Variants in MROH2B observed in about 807,000 individuals in gnomAD.
MROH2B encodes the protein maestro heat-like repeat-containing protein family member 2B.
A neutral mutation model predicts 208.6 loss-of-function variants in MROH2B; 177 were observed. That is an observed-to-expected ratio of 0.85 (90% confidence interval 0.75 to 0.96). The LOEUF (loss-of-function observed/expected upper bound fraction) is 0.96, where lower values mean the gene tolerates loss of function less well. Ranked by LOEUF, MROH2B falls within the 40% of genes least tolerant of loss-of-function variation. The probability of loss-of-function intolerance (pLI) is 0.00; values close to 1 mark genes in which losing one functional copy is unlikely to be tolerated. For synonymous variants in MROH2B, 728 were observed against 659.0 expected (o/e 1.10, Z -1.60); for missense variants, 2,002 against 1,878.7 (o/e 1.07, Z -1.21).
At chr5:41,056,665 G>C (rs993524299) in intron 9 of MROH2B, among the ~76,000 whole-genome samples, 5 of 151,230 alleles carry the variant, frequency 3.3e-5, no homozygotes, top group Admixed American at 6.6e-5. Flanking sequence ...GAAGGACAGA[G>C]AGAGAGAGAC....
In MROH2B at chr5:41,000,341, T is replaced by A; in HGVS notation, c.4361A>T (p.Asp1454Val). The change falls in exon 39 of 42, where the codon GAT (aspartate) becomes GTT (valine). Residue 1454 changes from aspartate to valine, a missense_variant. Transcript: ENST00000399564. ...PNPKIGVACR[D>V]VLMVCIPFLG... ...AAAGGGAATGCAGACCATCAAGACA[T>A]CACGGCAAGCCTGGAAAACAGAGTT... is the stretch of plus-strand genomic sequence containing the variant. 2 of 1,613,564 alleles carry A rather than the reference T, an allele frequency of 1.2e-6. No homozygotes were observed. The highest frequency in any genetic ancestry group is 1.7e-6 in the Non-Finnish European group (2 of 1,179,748).
chr5:41,005,226 G>C (rs905248017), intron 35 of MROH2B: 8 of 526,298 alleles, frequency 1.5e-5, no homozygotes, highest in African/African-American at 1.5e-4. Context: ...GGCTGGAATA[G>C]TCTTCAGGCC....
chr5:41,068,281 G>A (rs1743872563), intron 2 of MROH2B, among the ~76,000 whole-genome samples: 1 of 152,098 alleles, frequency 6.6e-6, no homozygotes, highest in East Asian at 1.9e-4. Flanking sequence ...TGTATTTTCT[G>A]GGCCTGCCTA....
rs1194755700 is a variant in MROH2B, at chr5:41,057,380, A to T, written c.757-20T>A. Reference sequence around the variant, plus strand: ...TAGGCTCTAAAGTGGAAACTCCCACAGGTTAGTTGGAGGCTGCCAGGGAAG... The same window carrying T: ...TAGGCTCTAAAGTGGAAACTCCCACTGGTTAGTTGGAGGCTGCCAGGGAAG... On this transcript the variant is annotated intron_variant, in intron 7 of 41. Coordinates refer to ENST00000399564, the MANE Select transcript of MROH2B (RefSeq NM_173489.5). 2 of 1,547,116 alleles carry T rather than the reference A, an allele frequency of 1.3e-6. No individual in the cohort carries two copies. Among genetic ancestry groups the T allele is most frequent in the Non-Finnish European group, 1.8e-6 (2 of 1,141,200 alleles).
intron 24 of MROH2B, among the ~76,000 whole-genome samples, chr5:41,019,690 C>A (rs1742080819): frequency 6.6e-6 from 1 of 152,106 alleles, no homozygotes; most frequent in African/African-American, 2.4e-5. Flanking sequence ...AGTCAGCTAC[C>A]AAATTAGCAA....
In MROH2B at chr5:41,055,843, G is replaced by A. The variant is rs1012688015; in HGVS notation, c.932C>T (p.Pro311Leu). 3.7e-6 allele frequency: 6 copies of A among 1,612,644 alleles called. No homozygotes were observed. In the African/African-American group the frequency reaches 8.0e-5, roughly 22 times the overall value. The part of the protein sequence containing the change: ...SCFLILAHSN[P>L]GELMEFFDEQ... ...ATCAAAAAATTCCATCAGCTCTCCAGGATTGGAATGGGCTGCAGGTTCAAG... is the reference window on the plus strand; with the variant it reads ...ATCAAAAAATTCCATCAGCTCTCCAAGATTGGAATGGGCTGCAGGTTCAAG... The change falls in exon 10 of 42, where the codon CCT becomes CTT. Residue 311 changes from proline (P) to leucine (L), a missense_variant. By Grantham distance (98) the Pro-to-Leu change is moderately conservative. Coordinates refer to ENST00000399564, the MANE Select transcript of MROH2B (RefSeq NM_173489.5).
intron 21 of MROH2B, among the ~76,000 whole-genome samples, chr5:41,038,369 A>T (rs990934464): frequency 2.0e-5 from 3 of 152,296 alleles, no homozygotes; most frequent in Middle Eastern, 3.4e-3. Flanking sequence ...GCATCACAGC[A>T]GTGGTAGGAC....
At chr5:41,011,719 G>A (rs2111839279) in intron 30 of MROH2B, among the ~76,000 whole-genome samples, 1 of 151,120 alleles carries the variant, frequency 6.6e-6, no homozygotes. Context: ...CCAGGCTGGA[G>A]TGCAGTTGCA....
rs538979396 is a variant in MROH2B at position 41,025,884 on chromosome 5, A to G, written c.2441+6858T>C. ...CAGGGATGCAAGGCTGGTTCAACAT[A>G]CACATATCAATAAACATAATCCATC... On this transcript the variant is annotated intron_variant, in intron 24 of 41. Coordinates refer to ENST00000399564, the MANE Select transcript of MROH2B (RefSeq NM_173489.5). Among the ~76,000 whole-genome samples the G allele has an allele frequency of 4.8e-3, 732 of 152,342 alleles. 10 individuals carry two copies. Among genetic ancestry groups the G allele is most frequent in the African/African-American group, 0.017 (703 of 41,578 alleles).
At position 41,013,245 on chromosome 5, in the gene MROH2B, C is replaced by A. The variant is rs547067772; in HGVS notation, c.2983-510G>T. On this transcript the variant is annotated intron_variant, in intron 29 of 41. Coordinates refer to ENST00000399564, the MANE Select transcript of MROH2B (RefSeq NM_173489.5). Reference sequence around the variant, plus strand: ...GGATTATTATGAGCCTTGTTTCTTGCTCTTCCATATTTCAATATTAAGAAC... The same window carrying A: ...GGATTATTATGAGCCTTGTTTCTTGATCTTCCATATTTCAATATTAAGAAC... 1.7e-4 allele frequency among the ~76,000 whole-genome samples: 26 copies of A among 152,242 alleles called. No homozygotes were observed. In the South Asian group the frequency reaches 5.0e-3, roughly 29 times the overall value.
rs1343139926 is a variant in MROH2B at position 41,065,450 on chromosome 5, A to T, written c.242T>A (p.Val81Glu). The T allele has an allele frequency of 4.3e-6, 7 of 1,613,410 alleles. No individual in the cohort carries two copies. In the South Asian group the frequency reaches 6.6e-5, roughly 15 times the overall value. ...EIRMLAGEVL[V>E]SLAAHDFNSV... Reference sequence around the variant, plus strand: ...GTTGAAATCATGTGCAGCAAGAGACACCAAAACCTCACCAGCTAGCATTCT... The same window carrying T: ...GTTGAAATCATGTGCAGCAAGAGACTCCAAAACCTCACCAGCTAGCATTCT... The change falls in exon 4 of 42, where the codon GTG becomes GAG. Residue 81 changes from valine to glutamate, a missense_variant. Coordinates refer to ENST00000399564, the MANE Select transcript of MROH2B (RefSeq NM_173489.5).
At chr5:41,029,263 A>T (rs757188112) in intron 24 of MROH2B, among the ~76,000 whole-genome samples, 3 of 152,132 alleles carry the variant, frequency 2.0e-5, no homozygotes, top group Non-Finnish European at 4.4e-5. Flanking sequence ...AGCCATTTGC[A>T]TATCTTCTTT....
chr5:40,998,499 A>C, intron 41 of MROH2B, 113 bp downstream of exon 41: 1 of 830,272 alleles, frequency 1.2e-6, no homozygotes, highest in Non-Finnish European at 1.9e-6. Context: ...CAGAGACAAT[A>C]ATTGGTACTA....
chr5:41,020,681 A>C (rs1315921420), intron 24 of MROH2B, among the ~76,000 whole-genome samples: 1 of 152,180 alleles, frequency 6.6e-6, no homozygotes, highest in Non-Finnish European at 1.5e-5. Context: ...TCAAAGTATT[A>C]TTTATAGTTT....
chr5:41,030,794 A>G (rs2150165650), intron 24 of MROH2B, among the ~76,000 whole-genome samples: 1 of 152,232 alleles, frequency 6.6e-6, no homozygotes. Context: ...AGAATAGAGA[A>G]CCCAAAAATA....
chr5:41,064,385 T>A, intron 5 of MROH2B, 87 bp downstream of exon 5: 1 of 1,104,462 alleles, frequency 9.1e-7, no homozygotes, highest in Non-Finnish European at 1.3e-6. Flanking sequence ...AAGATTGGAG[T>A]TAAAGGGAAA....
intron 5 of MROH2B, among the ~76,000 whole-genome samples, chr5:41,064,048 G>C (rs916084803): frequency 1.3e-5 from 2 of 152,168 alleles, no homozygotes; most frequent in Non-Finnish European, 1.5e-5. Context: ...GCTAAGAGCT[G>C]GTAAGTGCTG....
intron 26 of MROH2B, 70 bp downstream of exon 26, chr5:41,018,619 TAG>T: frequency 6.5e-7 from 1 of 1,548,464 alleles, no homozygotes; most frequent in Non-Finnish European, 8.9e-7. Context: ...GAAAATGCAG[TAG>T]AGTTTGGAGT....
chr5:41,031,733 C>G (rs1169944107), intron 24 of MROH2B, among the ~76,000 whole-genome samples: 1 of 152,060 alleles, frequency 6.6e-6, no homozygotes, highest in African/African-American at 2.4e-5. Flanking sequence ...TCTCACCCTC[C>G]TCCCAACCTC....
Sources: gnomAD v4.1 joint callset for allele counts (sites outside exome capture counted in the v4.1 genomes callset) on GRCh38, gnomAD v4.1.1 for gene constraint, MANE v1.5 for transcripts, NCBI Gene and HGNC (gene_info 2026-07-23, HGNC 2026-07-21) for gene names.